PEAK1: variants seen among roughly 807,000 people sequenced by gnomAD.
PEAK1 encodes the protein inactive tyrosine-protein kinase PEAK1.
A neutral mutation model predicts 124.7 loss-of-function variants in PEAK1; 54 were observed. The ratio of observed to expected loss-of-function variants is 0.43; its 90% CI spans 0.35 to 0.54. The LOEUF is 0.54. Ranked by LOEUF, PEAK1 falls within the 20% of genes least tolerant of loss-of-function variation. PEAK1 has a pLI of 0.01. For missense variants in PEAK1, 2,046 were observed against 2,134.5 expected, an observed-to-expected ratio of 0.96 and a Z score of 0.82; for synonymous variants, 719 against 760.0, an observed-to-expected ratio of 0.95 and a Z score of 0.89.
At chr15:77,330,739 C>G (rs917890688) in intron 2 of PEAK1, among the ~76,000 whole-genome samples, 1 of 152,178 alleles carries the variant, frequency 6.6e-6, no homozygotes, top group Non-Finnish European at 1.5e-5. Context: ...GTATATAAAA[C>G]GGCATTCTCT....
rs751331245 is a variant in PEAK1 at position 77,328,523 on chromosome 15, T to C, written c.-603+36640A>G. Among the ~76,000 whole-genome samples, 18 of 152,180 alleles carry C rather than the reference T, an allele frequency of 1.2e-4. No homozygotes were observed. The East Asian group carries it at 2.5e-3, about 21-fold the overall frequency. On this transcript the variant is annotated intron_variant, in intron 2 of 9. Transcript: ENST00000682557. ...CAAACAAAATATAAAGGAAGGAAAA[T>C]AGAAAGAAGTAATACTTATTGGCTG...
At chr15:77,172,007 G>T (rs1280412705) in intron 7 of PEAK1, among the ~76,000 whole-genome samples, 1 of 152,162 alleles carries the variant, frequency 6.6e-6, no homozygotes, top group Non-Finnish European at 1.5e-5. Flanking sequence ...GTCTCACCCA[G>T]ATTCATAAGC....
intron 2 of PEAK1, among the ~76,000 whole-genome samples, chr15:77,286,861 T>C (rs935526765): frequency 1.1e-4 from 16 of 152,198 alleles, no homozygotes; most frequent in African/African-American, 3.6e-4. Flanking sequence ...TACACAAAAA[T>C]ACTTCTGGTT....
chr15:77,225,663 A>ATTTTATATATATATATAT (rs56047702), intron 6 of PEAK1, among the ~76,000 whole-genome samples: 1 of 38,986 alleles, frequency 2.6e-5, no homozygotes, highest in Non-Finnish European at 6.5e-5. Flanking sequence ...GTGTGTGTAT[A>ATTTTATATATATATATAT]ATTTATATAT....
At chr15:77,265,930 A>C (rs1277301823) in intron 5 of PEAK1, among the ~76,000 whole-genome samples, 2 of 152,256 alleles carry the variant, frequency 1.3e-5, no homozygotes, top group Non-Finnish European at 2.9e-5. Context: ...GCAGCCATAA[A>C]AAATGAGGAG....
chr15:77,367,439 A>G (rs937079274), intron 1 of PEAK1, among the ~76,000 whole-genome samples: 1 of 152,216 alleles, frequency 6.6e-6, no homozygotes, highest in Non-Finnish European at 1.5e-5. Context: ...AAAATGTTCT[A>G]TATCTTGATT....
chr15:77,143,713 TC>T (rs200739239), intron 8 of PEAK1, among the ~76,000 whole-genome samples: 1,936 of 152,226 alleles, frequency 0.013, 18 homozygotes, highest in Non-Finnish European at 0.018. Context: ...CTTACTCCAC[TC>T]CCCAGAATTG....
intron 2 of PEAK1, among the ~76,000 whole-genome samples, chr15:77,303,376 G>C (rs2063892531): frequency 6.6e-6 from 1 of 152,210 alleles, no homozygotes; most frequent in Non-Finnish European, 1.5e-5. Context: ...AGCAATGAAT[G>C]AGAGTTCCTG....
rs1398553124 is a variant in PEAK1 at position 77,177,175 on chromosome 15, C to T, written c.3137+1615G>A. 5.3e-5 allele frequency among the ~76,000 whole-genome samples: 8 copies of T among 152,038 alleles called. No individual in the cohort carries two copies. The South Asian group carries it at 6.2e-4, about 12-fold the overall frequency. On this transcript the variant is annotated intron_variant, in intron 7 of 9. Transcript: ENST00000682557. ...TTCACCATGTTGGCAAGGCTGGTCTCGAACTCCTGATCTCAGGTGATCTGC... is the reference window on the plus strand; with the variant it reads ...TTCACCATGTTGGCAAGGCTGGTCTTGAACTCCTGATCTCAGGTGATCTGC...
intron 6 of PEAK1, among the ~76,000 whole-genome samples, chr15:77,209,622 A>G (rs368365340): frequency 3.3e-5 from 5 of 152,226 alleles, no homozygotes; most frequent in Admixed American, 3.3e-4. Context: ...CTTCTGCCTC[A>G]GGATCCTTTA....
chr15:77,205,016 T>G (rs2058563917), intron 6 of PEAK1: 1 of 194,716 alleles, frequency 5.1e-6, no homozygotes. Flanking sequence ...TTAAAGAAGA[T>G]TTACGTGCAG....
intron 6 of PEAK1, among the ~76,000 whole-genome samples, chr15:77,222,503 A>G (rs1437068463): frequency 6.6e-6 from 1 of 152,052 alleles, no homozygotes; most frequent in African/African-American, 2.4e-5. Flanking sequence ...TTTTGATTTT[A>G]TAGACTAAGG....
intron 2 of PEAK1, among the ~76,000 whole-genome samples, chr15:77,299,805 CAAT>C (rs1468681881): frequency 6.6e-6 from 1 of 152,184 alleles, no homozygotes; most frequent in African/African-American, 2.4e-5. Flanking sequence ...TCACTGATTA[CAAT>C]AATTGGCAAA....
intron 5 of PEAK1, among the ~76,000 whole-genome samples, chr15:77,275,135 A>G (rs2062242437): frequency 1.3e-5 from 2 of 152,312 alleles, no homozygotes; most frequent in South Asian, 2.1e-4. Flanking sequence ...AAGACATAAG[A>G]ATGATACAAC....
chr15:77,331,526 A>C (rs2065890799), intron 2 of PEAK1, among the ~76,000 whole-genome samples: 1 of 152,244 alleles, frequency 6.6e-6, no homozygotes, highest in South Asian at 2.1e-4. Context: ...GTCTTCCTGC[A>C]CAGCTCTGAT....
chr15:77,350,885 T>C, intron 2 of PEAK1: 1 of 985,320 alleles, frequency 1.0e-6, no homozygotes, highest in Non-Finnish European at 1.2e-6. Context: ...TCACCTTGGA[T>C]ACGCAGGCAT....
chr15:77,332,154 G>C (rs1409412732), intron 2 of PEAK1: 20 of 935,374 alleles, frequency 2.1e-5, no homozygotes, highest in Middle Eastern at 5.4e-4. Context: ...TTAAAAATAA[G>C]TTGCTTTAGA....
intron 5 of PEAK1, among the ~76,000 whole-genome samples, chr15:77,260,602 T>C (rs76675107): frequency 0.22 from 33,913 of 152,012 alleles, 4,242 homozygotes; most frequent in Middle Eastern, 0.3. Flanking sequence ...AGATAAAATA[T>C]ATAGAGACAA....
chr15:77,239,487 G>T (rs935106001), intron 6 of PEAK1, among the ~76,000 whole-genome samples: 1 of 152,136 alleles, frequency 6.6e-6, no homozygotes, highest in African/African-American at 2.4e-5. Context: ...TGTAAATTGG[G>T]TTTACAAAAT....
Sources: allele counts gnomAD v4.1 joint callset (sites outside exome capture counted in the v4.1 genomes callset), GRCh38; gene constraint gnomAD v4.1.1; transcripts MANE v1.5; gene names NCBI Gene and HGNC (gene_info 2026-07-23, HGNC 2026-07-21).